The following BMPR1B variants were observed in gnomAD, a reference collection of about 807,000 sequenced individuals.
BMPR1B encodes the protein bone morphogenetic protein receptor type 1B.
Under a neutral mutation model 59.1 loss-of-function variants are expected in BMPR1B, and 12 were observed. That is an observed-to-expected ratio of 0.20 (90% confidence interval 0.13 to 0.33). The LOEUF is 0.33. BMPR1B is among the 10% of genes least tolerant of loss of function. The probability of loss-of-function intolerance (pLI) is 1.00; values close to 1 mark genes in which losing one functional copy is unlikely to be tolerated. For synonymous variants in BMPR1B, 237 were observed against 207.3 expected, an observed-to-expected ratio of 1.14 and a Z score of -1.23; for missense variants, 550 against 610.9, an observed-to-expected ratio of 0.90 and a Z score of 1.05.
At chr4:95,063,986 C>T (rs925694223) in intron 3 of BMPR1B, among the ~76,000 whole-genome samples, 1 of 151,960 alleles carries the variant, frequency 6.6e-6, no homozygotes, top group Admixed American at 6.6e-5. Flanking sequence ...TTTTAGATTA[C>T]CAAGGTTTGG....
At chr4:94,808,530 C>T (rs1006572399) in intron 1 of BMPR1B, among the ~76,000 whole-genome samples, 1 of 152,124 alleles carries the variant, frequency 6.6e-6, no homozygotes, top group Non-Finnish European at 1.5e-5. Flanking sequence ...CAATTTTGGT[C>T]ATACAGCTTT....
chr4:94,810,283 T>G (rs913520800), intron 1 of BMPR1B, among the ~76,000 whole-genome samples: 1 of 152,210 alleles, frequency 6.6e-6, no homozygotes, highest in Non-Finnish European at 1.5e-5. Context: ...CTGTCTTTGG[T>G]GAGTGCCATA....
chr4:94,794,065 T>G (rs1723087129), intron 1 of BMPR1B, among the ~76,000 whole-genome samples: 1 of 151,128 alleles, frequency 6.6e-6, no homozygotes, highest in South Asian at 2.1e-4. Flanking sequence ...GCCATTGCTT[T>G]TGGTGTTTTA....
intron 2 of BMPR1B, among the ~76,000 whole-genome samples, chr4:94,941,625 AAG>A (rs1578829211): frequency 6.6e-6 from 1 of 152,204 alleles, no homozygotes; most frequent in Admixed American, 6.5e-5. Context: ...ACTTAAAAGA[AAG>A]AAAATTATCA....
At chr4:94,836,339 C>T (rs1193284660) in intron 1 of BMPR1B, among the ~76,000 whole-genome samples, 5 of 149,816 alleles carry the variant, frequency 3.3e-5, no homozygotes, top group African/African-American at 1.2e-4. Context: ...GCCACACTGA[C>T]TTCCACAATG....
intron 1 of BMPR1B, among the ~76,000 whole-genome samples, chr4:94,840,758 C>G (rs1414971038): frequency 6.7e-6 from 1 of 148,538 alleles, no homozygotes; most frequent in Non-Finnish European, 1.5e-5. Context: ...CTTCTTCTCT[C>G]AACTTGTCAA....
At chr4:94,902,249 CAGAGAG>C (rs142124519) in intron 2 of BMPR1B, among the ~76,000 whole-genome samples, 6,659 of 67,488 alleles carry the variant, frequency 0.099, 221 homozygotes, top group Non-Finnish European at 0.13. Flanking sequence ...CACACACACA[CAGAGAG>C]AGAGAGAGAG....
intron 1 of BMPR1B, among the ~76,000 whole-genome samples, chr4:94,870,984 T>A (rs1231043431): frequency 6.6e-6 from 1 of 151,578 alleles, no homozygotes; most frequent in African/African-American, 2.4e-5. Flanking sequence ...CTGTAAATGA[T>A]GATGATTTTT....
intron 1 of BMPR1B, among the ~76,000 whole-genome samples, chr4:94,836,871 C>G (rs543664144): frequency 6.7e-6 from 1 of 149,968 alleles, no homozygotes; most frequent in Admixed American, 6.6e-5. Context: ...AGGTTTTCTT[C>G]TAGGGTTTTT....
intron 1 of BMPR1B, among the ~76,000 whole-genome samples, chr4:94,855,780 A>G (rs1049858201): frequency 1.6e-5 from 2 of 126,396 alleles, no homozygotes; most frequent in South Asian, 6.0e-4. Flanking sequence ...TATTTAAAAT[A>G]AAGTTATTTG....
intron 3 of BMPR1B, among the ~76,000 whole-genome samples, chr4:95,006,588 CTGGAG>C (rs1290589241): frequency 2.5e-4 from 37 of 147,404 alleles, no homozygotes; most frequent in Non-Finnish European, 1.5e-5. Context: ...GTCCCCCAGG[CTGGAG>C]TGCAATGGTG....
At position 94,819,139 on chromosome 4, in the gene BMPR1B, T is replaced by TA. The variant is rs200840988; in HGVS notation, c.-182-56688dup. Among the ~76,000 whole-genome samples the TA allele has an allele frequency of 1.2e-4, 18 of 151,024 alleles. No individual in the cohort carries two copies. The South Asian group carries it at 1.3e-3, about 11-fold the overall frequency. On this transcript the variant is annotated intron_variant, in intron 1 of 12. Transcript: ENST00000515059. ...TGACAGAGTGAGAACCTATCTCAAATAAAATTTTTTTTTTTTTCTCTTATA... is the reference window on the plus strand; with the variant it reads ...TGACAGAGTGAGAACCTATCTCAAATAAAAATTTTTTTTTTTTTCTCTTATA...
intron 1 of BMPR1B, among the ~76,000 whole-genome samples, chr4:94,804,589 A>ATTT (rs1275467832): frequency 1.9e-5 from 2 of 103,896 alleles, no homozygotes; most frequent in Middle Eastern, 5.9e-3. Context: ...TCTTTGTAAT[A>ATTT]CTTTTTTTTT....
intron 1 of BMPR1B, among the ~76,000 whole-genome samples, chr4:94,770,888 C>CAAAAAAAAAAAAAAAAAA (rs11292596): frequency 2.3e-5 from 2 of 88,294 alleles, no homozygotes; most frequent in Non-Finnish European, 2.3e-5. Flanking sequence ...ATTAGCCCTG[C>CAAAAAAAAAAAAAAAAAA]AAAAAAAAAA....
In BMPR1B at chr4:94,839,738, T is replaced by C. The variant is rs534756057; in HGVS notation, c.-182-36093T>C. 2.1e-4 allele frequency among the ~76,000 whole-genome samples: 29 copies of C among 135,378 alleles called. 2 individuals carry two copies. In the South Asian group the frequency reaches 5.3e-3, roughly 25 times the overall value. The allele number at this position is 135,378 out of a possible 152,430, so 88.8% of individuals were successfully genotyped here. The stretch of plus-strand genomic sequence containing the variant: ...CAATTTGCCAGTCTATGTCTTTTAA[T>C]TGGAGCATTTAGTCCATTTACATTT... On this transcript the variant is annotated intron_variant, in intron 1 of 12. Coordinates refer to ENST00000515059, the MANE Select transcript of BMPR1B (RefSeq NM_001203.3).
At chr4:94,938,243 TAAG>T (rs1729390834) in intron 2 of BMPR1B, among the ~76,000 whole-genome samples, 1 of 152,070 alleles carries the variant, frequency 6.6e-6, no homozygotes, top group Admixed American at 6.6e-5. Flanking sequence ...GTGGGAGAAA[TAAG>T]AAGTGCTTGG....
chr4:94,850,754 A>G (rs865838970), intron 1 of BMPR1B, among the ~76,000 whole-genome samples: 4 of 152,196 alleles, frequency 2.6e-5, no homozygotes, highest in South Asian at 2.1e-4. Flanking sequence ...CTAGCCTCCT[A>G]TGCCCTCCTC....
At chr4:94,909,585 G>T (rs1472088884) in intron 2 of BMPR1B, among the ~76,000 whole-genome samples, 2 of 152,106 alleles carry the variant, frequency 1.3e-5, no homozygotes, top group Non-Finnish European at 2.9e-5. Context: ...AGTGATAATT[G>T]CTGTCATAGT....
intron 1 of BMPR1B, among the ~76,000 whole-genome samples, chr4:94,842,148 G>T (rs1342491068): frequency 1.3e-5 from 2 of 152,114 alleles, no homozygotes; most frequent in Non-Finnish European, 2.9e-5. Context: ...TGTTTTATTT[G>T]TAATATTAAT....
Sources: allele counts gnomAD v4.1 joint callset (sites outside exome capture counted in the v4.1 genomes callset), GRCh38; gene constraint gnomAD v4.1.1; transcripts MANE v1.5; gene names NCBI Gene and HGNC (gene_info 2026-07-23, HGNC 2026-07-21).